Variants in HMCN1 observed in about 807,000 individuals in gnomAD.
HMCN1 encodes the protein hemicentin-1.
A neutral mutation model predicts 625.9 loss-of-function variants in HMCN1; 321 were observed. The ratio of observed to expected loss-of-function variants is 0.51; its 90% CI spans 0.47 to 0.56. HMCN1 has a LOEUF of 0.56. Among genes scored for constraint, HMCN1 ranks in the 20% least tolerant of loss-of-function variants. The pLI, the probability that HMCN1 is intolerant of heterozygous loss-of-function variation, is 0.00. For synonymous variants in HMCN1, 2,425 were observed against 2,417.6 expected, an observed-to-expected ratio of 1.00 and a Z score of -0.09; for missense variants, 6,588 against 6,887.3, an observed-to-expected ratio of 0.96 and a Z score of 1.54.
Position 186,137,400 on chromosome 1 carries a change from T to C in HMCN1, c.13583-98T>C, listed in dbSNP as rs1649671076. On this transcript the variant is annotated intron_variant, in intron 87 of 106. Transcript: ENST00000271588. Reference sequence around the variant, plus strand: ...TCCATACGCTATTTCTCAGCAACTATATATTTAGCTCTGTAACCCGTGCAT... The same window carrying C: ...TCCATACGCTATTTCTCAGCAACTACATATTTAGCTCTGTAACCCGTGCAT... 2.7e-5 allele frequency: 35 copies of C among 1,314,318 alleles called. No homozygotes were observed. In the South Asian group the frequency reaches 3.7e-4, roughly 14 times the overall value. The allele number at this position is 1,314,318 out of a possible 1,614,324, so 81.4% of individuals were successfully genotyped here.
chr1:186,153,774 A>G lies in HMCN1; in HGVS notation c.15043A>G (p.Thr5015Ala), dbSNP rs767233028. The part of the protein sequence containing the change: ...VKDYTEDYIQ[T>A]GPGQLYAYST... ...GGATTACACAGAGGACTACATTCAA[A>G]CAGGTCCTGGGCAGCTGTACGCCTA... The change falls in exon 97 of 107, where the codon ACA (threonine) becomes GCA (alanine). Residue 5015 changes from threonine (T) to alanine (A), a missense_variant. Thr to Ala is a moderately conservative substitution (Grantham distance 58, BLOSUM62 0). Around this residue, in one of 3 missense-constraint regions of HMCN1, gnomAD observed 1,954 missense variants for 2,013.1 expected, o/e 0.97. Coordinates refer to ENST00000271588, the MANE Select transcript of HMCN1 (RefSeq NM_031935.3). 2.5e-6 allele frequency: 4 copies of G among 1,614,072 alleles called. No individual in the cohort carries two copies. Among genetic ancestry groups the G allele is most frequent in the Admixed American group, 1.7e-5 (1 of 60,018 alleles).
intron 51 of HMCN1, among the ~76,000 whole-genome samples, chr1:186,070,322 A>G (rs1203864781): frequency 6.6e-6 from 1 of 152,226 alleles, no homozygotes; most frequent in Non-Finnish European, 1.5e-5. Context: ...TTTAAGGATC[A>G]TGTTCAGACT....
chr1:185,919,203 T>A (rs369995321), intron 6 of HMCN1, among the ~76,000 whole-genome samples: 1 of 151,934 alleles, frequency 6.6e-6, no homozygotes, highest in East Asian at 1.9e-4. Flanking sequence ...GTTACAGAAT[T>A]AGCTTAATTT....
rs1652687017 is a variant in HMCN1, at chr1:185,994,968, G to A, written c.3659G>A (p.Ser1220Asn). ...TMLVDGEHHV[S>N]NPDGTLSIDQ... ...CTGGTTGATGGAGAGCACCATGTTAGCAATCCAGACGGAACTTTAAGCATC... is the reference window on the plus strand; with the variant it reads ...CTGGTTGATGGAGAGCACCATGTTAACAATCCAGACGGAACTTTAAGCATC... The change falls in exon 24 of 107, where the codon AGC becomes AAC. Residue 1220 changes from serine to asparagine, a missense_variant. Around this residue, in one of 3 missense-constraint regions of HMCN1, gnomAD observed 4,628 missense variants for 4,853.1 expected, o/e 0.95. Transcript: ENST00000271588. 1 of 1,613,792 alleles carries A rather than the reference G, an allele frequency of 6.2e-7. No homozygotes were observed. Among genetic ancestry groups the A allele is most frequent in the Non-Finnish European group, 8.5e-7 (1 of 1,179,872 alleles).
chr1:185,948,203 G>T (rs1461899937), intron 11 of HMCN1, among the ~76,000 whole-genome samples: 1 of 152,082 alleles, frequency 6.6e-6, no homozygotes, highest in Non-Finnish European at 1.5e-5. Context: ...AATTAAATTC[G>T]AATGTTCTTT....
intron 95 of HMCN1, 38 bp downstream of exon 95, chr1:186,151,781 A>G (rs375037321): frequency 7.5e-5 from 120 of 1,601,700 alleles, no homozygotes; most frequent in Non-Finnish European, 9.5e-5. Context: ...ATTACTATAA[A>G]AAGTGCCATG....
Position 185,970,328 on chromosome 1 carries a change from G to T in HMCN1, c.2213-7G>T, listed in dbSNP as rs771191029. The T allele has an allele frequency of 4.3e-6, 7 of 1,611,994 alleles. No individual in the cohort carries two copies. In the South Asian group the frequency reaches 4.4e-5, roughly 10 times the overall value. On this transcript the variant is annotated splice_polypyrimidine_tract_variant and splice_region_variant and intron_variant, in intron 14 of 106. Coordinates refer to ENST00000271588, the MANE Select transcript of HMCN1 (RefSeq NM_031935.3). ...TGTTTAATGTTCTCCCCTTTGTTTT[G>T]ACTTAGGAGATCTTGAGTTGAGGCC...
chr1:185,868,172 C>T (rs1165414404), intron 4 of HMCN1, among the ~76,000 whole-genome samples: 3 of 151,806 alleles, frequency 2.0e-5, no homozygotes, highest in Non-Finnish European at 4.4e-5. Flanking sequence ...ACAACAACAA[C>T]AAAAGTGTGT....
chr1:186,027,410 T>C (rs964962409), intron 36 of HMCN1, among the ~76,000 whole-genome samples: 5 of 152,192 alleles, frequency 3.3e-5, no homozygotes, highest in Non-Finnish European at 5.9e-5. Flanking sequence ...AAGCATTCAT[T>C]TTATCTGCAC....
intron 71 of HMCN1, 136 bp downstream of exon 71, chr1:186,108,733 C>A: frequency 9.5e-7 from 1 of 1,056,582 alleles, no homozygotes. Flanking sequence ...GCAGTAAGCA[C>A]AGGGTTTTTA....
At chr1:185,916,065 C>CAT (rs1491210759) in intron 6 of HMCN1, among the ~76,000 whole-genome samples, 1 of 141,356 alleles carries the variant, frequency 7.1e-6, no homozygotes, top group Non-Finnish European at 1.5e-5. Context: ...TGCGTGTGTG[C>CAT]ATATGTGTGT....
At position 185,883,848 on chromosome 1, in the gene HMCN1, T is replaced by A. The variant is rs1664456737; in HGVS notation, c.621+17985T>A. On this transcript the variant is annotated intron_variant, in intron 4 of 106. Transcript: ENST00000271588. ...TTCTATCATTTCTGTCACTTGAGGG[T>A]TTGTTAATCAATTAATAGATATAGG... 3.3e-5 allele frequency among the ~76,000 whole-genome samples: 5 copies of A among 151,094 alleles called. No individual in the cohort carries two copies. In the South Asian group the frequency reaches 1.0e-3, roughly 32 times the overall value.
At chr1:186,061,272 G>A (rs1244134766) in intron 46 of HMCN1, among the ~76,000 whole-genome samples, 3 of 152,106 alleles carry the variant, frequency 2.0e-5, no homozygotes, top group Non-Finnish European at 4.4e-5. Flanking sequence ...ATGGCAGAAG[G>A]GGAAGCAGGC....
At chr1:185,921,632 T>C (rs1480337728) in intron 6 of HMCN1, among the ~76,000 whole-genome samples, 5 of 152,220 alleles carry the variant, frequency 3.3e-5, no homozygotes, top group African/African-American at 2.4e-5. Flanking sequence ...GTTGTGTGAA[T>C]TTTTTCTTTC....
At chr1:185,831,448 G>A (rs543324138) in intron 1 of HMCN1, among the ~76,000 whole-genome samples, 85 of 152,166 alleles carry the variant, frequency 5.6e-4, no homozygotes, top group Middle Eastern at 3.4e-3. Flanking sequence ...CATCCTTAGC[G>A]GGGAAACACT....
At chr1:186,026,744 CCCACCT>C (rs1294110547) in intron 36 of HMCN1, among the ~76,000 whole-genome samples, 1 of 152,010 alleles carries the variant, frequency 6.6e-6, no homozygotes, top group Non-Finnish European at 1.5e-5. Flanking sequence ...AGGTGATCTT[CCCACCT>C]CAGCCTCCCT....
Position 185,864,586 on chromosome 1 carries a change from C to G in HMCN1, c.456C>G (p.Leu152=), listed in dbSNP as rs187202682. The G allele has an allele frequency of 5.9e-5, 96 of 1,614,086 alleles. No individual in the cohort carries two copies. The East Asian group carries it at 2.0e-3, about 33-fold the overall frequency. Residue 152 remains leucine, a synonymous_variant, in exon 3 of 107, where the codon CTC becomes CTG. Coordinates refer to ENST00000271588, the MANE Select transcript of HMCN1 (RefSeq NM_031935.3). ...FTDARSKDYR[L]THEVLQLIQQ... is the part of the protein sequence containing the mutation. ...ATGCTCGGTCCAAAGATTACCGGCT[C>G]ACCCATGAGGTGCTGCAACTTATCC...
At chr1:186,063,096 A>ATATATATATATATATGTATATATATATG (rs1185102259) in intron 48 of HMCN1, among the ~76,000 whole-genome samples, 10 of 115,402 alleles carry the variant, frequency 8.7e-5, no homozygotes, top group Non-Finnish European at 8.5e-5. Context: ...ATATATATAT[A>ATATATATATATATATGTATATATATATG]TATATATCAC....
At position 185,962,567 on chromosome 1, in the gene HMCN1, G is replaced by T; in HGVS notation, c.1878G>T (p.Gly626=). Residue 626 remains glycine (G), a synonymous_variant, in exon 12 of 107, where the codon GGG becomes GGT. Transcript: ENST00000271588. The part of the protein sequence containing the change: ...VMPKNQSFTG[G]SEVSIMCSAT... ...CCAAGAATCAGTCTTTCACAGGAGG[G>T]TCTGAGGTCTCCATCATGTGTTCTG... 1 of 1,611,054 alleles carries T rather than the reference G, an allele frequency of 6.2e-7. No individual in the cohort carries two copies. The highest frequency in any genetic ancestry group is 1.3e-5 in the African/African-American group (1 of 74,966).
Sources: allele counts gnomAD v4.1 joint callset (sites outside exome capture counted in the v4.1 genomes callset), GRCh38; gene constraint gnomAD v4.1.1; regional missense constraint gnomAD v4.1.1; transcripts MANE v1.5; gene names NCBI Gene and HGNC (gene_info 2026-07-23, HGNC 2026-07-21).